TBC1D12: variants seen among roughly 807,000 people sequenced by gnomAD.
TBC1D12 encodes the protein TBC1 domain family, member 12.
In TBC1D12, 56 loss-of-function variants were observed where a neutral mutation model predicts 86.7. The ratio of observed to expected loss-of-function variants is 0.65; its 90% CI spans 0.52 to 0.81. The LOEUF (loss-of-function observed/expected upper bound fraction) is 0.81, where lower values mean the gene tolerates loss of function less well. Among genes scored for constraint, TBC1D12 ranks in the 30% least tolerant of loss-of-function variants. The probability of loss-of-function intolerance (pLI) is 0.00; values close to 1 mark genes in which losing one functional copy is unlikely to be tolerated. For missense variants in TBC1D12, 1,023 were observed against 1,038.8 expected (o/e 0.98, Z 0.21); for synonymous variants, 421 against 411.7 (o/e 1.02, Z -0.27).
chr10:94,508,737 G>C (rs2056490817), intron 7 of TBC1D12: 1 of 151,850 alleles, frequency 6.6e-6, no homozygotes, highest in Non-Finnish European at 1.5e-5. Flanking sequence ...ATATCAGCCA[G>C]ATATTTTCTT....
At chr10:94,518,690 T>C (rs1481256655) in intron 9 of TBC1D12, among the ~76,000 whole-genome samples, 1 of 152,248 alleles carries the variant, frequency 6.6e-6, no homozygotes, top group Admixed American at 6.5e-5. Context: ...GAAGAAATTA[T>C]AGAAATAACT....
Position 94,429,956 on chromosome 10 carries a change from G to A in TBC1D12, c.972-11940G>A, listed in dbSNP as rs142420791. On this transcript the variant is annotated intron_variant, in intron 1 of 12. Coordinates refer to ENST00000225235, the MANE Select transcript of TBC1D12 (RefSeq NM_015188.2). ...TTGCCATGTTGCCCAGGCCGGTCTCGAACTCTTGGACGCAAGATACCCACC... is the reference window on the plus strand; with the variant it reads ...TTGCCATGTTGCCCAGGCCGGTCTCAAACTCTTGGACGCAAGATACCCACC... Among the ~76,000 whole-genome samples the A allele has an allele frequency of 5.1e-4, 78 of 152,152 alleles. No homozygotes were observed. In the East Asian group the frequency reaches 0.011, roughly 21 times the overall value.
intron 6 of TBC1D12, among the ~76,000 whole-genome samples, chr10:94,504,136 G>T: frequency 6.6e-6 from 1 of 152,270 alleles, no homozygotes; most frequent in Middle Eastern, 3.4e-3. Context: ...TAAATAATAA[G>T]AATTTTTGAA....
intron 2 of TBC1D12, among the ~76,000 whole-genome samples, chr10:94,468,806 A>C (rs1435595214): frequency 2.0e-5 from 3 of 152,176 alleles, no homozygotes; most frequent in African/African-American, 7.2e-5. Flanking sequence ...AGGCTGCTTC[A>C]TAGTGTTCCC....
intron 1 of TBC1D12, among the ~76,000 whole-genome samples, chr10:94,424,832 G>A (rs568992570): frequency 3.7e-4 from 57 of 152,202 alleles, no homozygotes; most frequent in Non-Finnish European, 7.5e-4. Flanking sequence ...CTAATTAATG[G>A]GTTTAAAGTA....
chr10:94,531,759 T>TTTATTTTATG (rs1842429639), intron 12 of TBC1D12, among the ~76,000 whole-genome samples: 2 of 66,604 alleles, frequency 3.0e-5, no homozygotes, highest in Admixed American at 2.0e-4. Flanking sequence ...GTTATTTTAT[T>TTTATTTTATG]TTATTTTATT....
At chr10:94,432,126 G>GA (rs1159036319) in intron 1 of TBC1D12, among the ~76,000 whole-genome samples, 1 of 152,100 alleles carries the variant, frequency 6.6e-6, no homozygotes. Context: ...AAAGGGAAGA[G>GA]AGAGAGAGTG....
In TBC1D12 at chr10:94,533,087, GA is replaced by G; in HGVS notation, c.2323del (p.Ser775AlafsTer6). 2 of 1,589,686 alleles carry G rather than the reference GA, an allele frequency of 1.3e-6. No individual in the cohort carries two copies. Among genetic ancestry groups the G allele is most frequent in the Non-Finnish European group, 1.7e-6 (2 of 1,168,246 alleles). ...EGDKNSSPAL[K>X]S is the part of the protein sequence containing the mutation. ...GAGACAAGAACAGTAGTCCTGCTTT[GA>G]AAAGCTAGTCTTCAAAATTGACAGA... On this transcript the variant is annotated frameshift_variant, in exon 13 of 13. Coordinates refer to ENST00000225235, the MANE Select transcript of TBC1D12 (RefSeq NM_015188.2). LOFTEE classifies it high-confidence loss of function.
intron 11 of TBC1D12, among the ~76,000 whole-genome samples, chr10:94,530,156 A>C (rs555097514): frequency 6.6e-6 from 1 of 152,278 alleles, no homozygotes; most frequent in East Asian, 1.9e-4. Context: ...ATAAACACAC[A>C]ATCAGTGTAA....
chr10:94,423,342 CTTTT>C (rs71486719), intron 1 of TBC1D12, among the ~76,000 whole-genome samples: 1 of 94,204 alleles, frequency 1.1e-5, no homozygotes, highest in Non-Finnish European at 1.9e-5. Flanking sequence ...CATTCACCAT[CTTTT>C]TTTTTTTTTT....
At chr10:94,468,566 A>G (rs2055857436) in intron 2 of TBC1D12, among the ~76,000 whole-genome samples, 1 of 152,008 alleles carries the variant, frequency 6.6e-6, no homozygotes, top group Admixed American at 6.6e-5. Context: ...AATTGTTTTC[A>G]CATTCAGTCT....
intron 1 of TBC1D12, among the ~76,000 whole-genome samples, chr10:94,403,954 T>A (rs909594025): frequency 2.0e-5 from 3 of 152,120 alleles, no homozygotes; most frequent in African/African-American, 4.8e-5. Flanking sequence ...GTCTCCAATT[T>A]TTAAAAATTT....
chr10:94,484,664 T>C (rs567024563), intron 3 of TBC1D12, among the ~76,000 whole-genome samples: 6 of 152,334 alleles, frequency 3.9e-5, no homozygotes, highest in African/African-American at 9.6e-5. Flanking sequence ...AGGGTTTGCA[T>C]TGAATGTGTA....
At chr10:94,453,744 T>C (rs1031090082) in intron 2 of TBC1D12, among the ~76,000 whole-genome samples, 10 of 152,240 alleles carry the variant, frequency 6.6e-5, no homozygotes, top group African/African-American at 2.2e-4. Flanking sequence ...TATATAGTTT[T>C]GTACTTTACA....
chr10:94,469,911 G>A (rs1045733175), intron 2 of TBC1D12, among the ~76,000 whole-genome samples: 1 of 152,162 alleles, frequency 6.6e-6, no homozygotes, highest in African/African-American at 2.4e-5. Flanking sequence ...TGATCCTCAG[G>A]CTCATCTTGT....
intron 3 of TBC1D12, among the ~76,000 whole-genome samples, chr10:94,483,741 T>G (rs1286878029): frequency 6.6e-6 from 1 of 151,992 alleles, no homozygotes; most frequent in Non-Finnish European, 1.5e-5. Context: ...TGTTTTTTTT[T>G]GTTTGTTTGT....
intron 9 of TBC1D12, among the ~76,000 whole-genome samples, chr10:94,513,843 C>G (rs892666957): frequency 3.3e-5 from 5 of 152,078 alleles, no homozygotes; most frequent in African/African-American, 9.6e-5. Flanking sequence ...ACAAGTGTGA[C>G]CTACTGTGCC....
chr10:94,508,294 A>C (rs1441166713), intron 7 of TBC1D12: 1 of 151,384 alleles, frequency 6.6e-6, no homozygotes, highest in Non-Finnish European at 1.5e-5. Flanking sequence ...TATATAATTG[A>C]AAAAAATTTT....
chr10:94,531,106 CTAAT>C, intron 11 of TBC1D12, 92 bp from the exon 12 acceptor site: 1 of 1,387,198 alleles, frequency 7.2e-7, no homozygotes, highest in Non-Finnish European at 9.8e-7. Context: ...CTTCTTATCC[CTAAT>C]TAAACACTGT....
Sources: allele counts gnomAD v4.1 joint callset (sites outside exome capture counted in the v4.1 genomes callset), GRCh38; gene constraint gnomAD v4.1.1; transcripts MANE v1.5; gene names NCBI Gene and HGNC (gene_info 2026-07-23, HGNC 2026-07-21).